The following FAM193A variants were observed in gnomAD, a reference collection of about 807,000 sequenced individuals.
FAM193A encodes the protein protein FAM193A.
Under a neutral mutation model 126.5 loss-of-function variants are expected in FAM193A, and 22 were observed. The observed-to-expected ratio is 0.17, with a 90% CI of 0.12 to 0.25. The LOEUF is 0.25. Ranked by LOEUF, FAM193A falls within the 10% of genes least tolerant of loss-of-function variation. The pLI, the probability that FAM193A is intolerant of heterozygous loss-of-function variation, is 1.00. For missense variants in FAM193A, 1,675 were observed against 1,672.8 expected (o/e 1.00, Z -0.02); for synonymous variants, 761 against 646.8 (o/e 1.18, Z -2.68).
At chr4:2,698,559 A>G (rs1717309284) in intron 18 of FAM193A, among the ~76,000 whole-genome samples, 1 of 152,254 alleles carries the variant, frequency 6.6e-6, no homozygotes, top group Non-Finnish European at 1.5e-5. Context: ...GTTTTTCAAA[A>G]GACAAGTCAA....
chr4:2,608,991 C>T (rs1209470032), intron 2 of FAM193A, among the ~76,000 whole-genome samples: 1 of 150,810 alleles, frequency 6.6e-6, no homozygotes, highest in Admixed American at 6.6e-5. Context: ...CCCGGGTTCA[C>T]GCCATTCTCC....
In FAM193A at chr4:2,562,781, C is replaced by A. The variant is rs145676725; in HGVS notation, c.255+25611C>A. Among the ~76,000 whole-genome samples the A allele has an allele frequency of 4.4e-3, 672 of 152,092 alleles. 3 individuals carry two copies. Among genetic ancestry groups the A allele is most frequent in the African/African-American group, 0.016 (647 of 41,480 alleles). On this transcript the variant is annotated intron_variant, in intron 1 of 20. Transcript: ENST00000637812. ...AGTAGCTGGGATTACAGGCGTCCAC[C>A]ACCATGCCCAGCTAATTTTTGTATT...
intron 13 of FAM193A, among the ~76,000 whole-genome samples, chr4:2,676,910 C>G (rs1352081229): frequency 1.3e-5 from 2 of 151,904 alleles, no homozygotes; most frequent in African/African-American, 4.8e-5. Context: ...CACTGCACTC[C>G]AGCTTGGGCG....
chr4:2,544,689 G>GC (rs1413437878), intron 1 of FAM193A, among the ~76,000 whole-genome samples: 1 of 151,902 alleles, frequency 6.6e-6, no homozygotes, highest in East Asian at 1.9e-4. Context: ...GGGTGACAGA[G>GC]CAAGACTCTG....
intron 1 of FAM193A, among the ~76,000 whole-genome samples, chr4:2,551,822 TTTTTTA>T (rs886677745): frequency 2.0e-5 from 3 of 151,848 alleles, no homozygotes; most frequent in Non-Finnish European, 2.9e-5. Context: ...TTTGGGTTTG[TTTTTTA>T]TTTTTATTTT....
At chr4:2,639,604 T>G (rs1415674936) in intron 5 of FAM193A, 131 bp from the exon 6 acceptor site, 3 of 592,662 alleles carry the variant, frequency 5.1e-6, no homozygotes, top group Non-Finnish European at 8.4e-6. Context: ...AGCTGAACAC[T>G]CTGGGCCTGT....
At chr4:2,548,404 T>A (rs9761379) in intron 1 of FAM193A, among the ~76,000 whole-genome samples, 4,322 of 152,132 alleles carry the variant, frequency 0.028, 222 homozygotes, top group African/African-American at 0.098. Flanking sequence ...TCTCCATGAT[T>A]CTGAATTCAA....
chr4:2,698,179 C>T (rs555194598), intron 18 of FAM193A, among the ~76,000 whole-genome samples: 23 of 152,342 alleles, frequency 1.5e-4, no homozygotes, highest in African/African-American at 5.5e-4. Flanking sequence ...GACTCTGTCC[C>T]GTAGCAGGTC....
chr4:2,606,442 G>A (rs1373789669), intron 2 of FAM193A, among the ~76,000 whole-genome samples: 1 of 152,172 alleles, frequency 6.6e-6, no homozygotes, highest in East Asian at 1.9e-4. Flanking sequence ...TGTTCTGATT[G>A]AAGTATTTGA....
chr4:2,721,101 C>T (rs1577273009), intron 20 of FAM193A, among the ~76,000 whole-genome samples: 2 of 152,024 alleles, frequency 1.3e-5, no homozygotes, highest in Admixed American at 6.6e-5. Flanking sequence ...ATCACGAGGC[C>T]AGGAGCTCGA....
In FAM193A at chr4:2,693,567, C is replaced by G. The variant is rs1318372893; in HGVS notation, c.2804-19C>G. On this transcript the variant is annotated intron_variant, in intron 15 of 20. Coordinates refer to ENST00000637812, the MANE Select transcript of FAM193A (RefSeq NM_001366318.2). Reference sequence around the variant, plus strand: ...TTTTGAAACAAACTTGGCAGTGACTCTCGCCTCTCTAAATGCAGGTGACGT... The same window carrying G: ...TTTTGAAACAAACTTGGCAGTGACTGTCGCCTCTCTAAATGCAGGTGACGT... 2 of 1,597,964 alleles carry G rather than the reference C, an allele frequency of 1.3e-6. No homozygotes were observed. The highest frequency in any genetic ancestry group is 1.7e-6 in the Non-Finnish European group (2 of 1,168,766).
intron 19 of FAM193A, among the ~76,000 whole-genome samples, chr4:2,710,255 GCCT>G (rs1718792637): frequency 7.4e-6 from 1 of 134,254 alleles, no homozygotes; most frequent in African/African-American, 2.7e-5. Flanking sequence ...GCTCACTGCA[GCCT>G]CCACCTCCCG....
intron 7 of FAM193A, among the ~76,000 whole-genome samples, chr4:2,656,605 C>T (rs1711715329): frequency 6.6e-6 from 1 of 152,108 alleles, no homozygotes; most frequent in South Asian, 2.1e-4. Context: ...GTAGCGAAGG[C>T]CACACCTGTG....
chr4:2,632,823 GTC>G (rs1256330674), intron 5 of FAM193A, among the ~76,000 whole-genome samples: 1 of 152,032 alleles, frequency 6.6e-6, no homozygotes, highest in East Asian at 1.9e-4. Flanking sequence ...CTACCTGAGA[GTC>G]TGCCTGCCCT....
At chr4:2,550,427 C>CGTTT (rs774195740) in intron 1 of FAM193A, among the ~76,000 whole-genome samples, 27 of 151,650 alleles carry the variant, frequency 1.8e-4, no homozygotes, top group East Asian at 9.8e-4. Context: ...CCCTCTTGGT[C>CGTTT]GTTTGTTTGT....
Position 2,639,645 on chromosome 4 carries a change from TG to T in FAM193A, c.1039-86del, listed in dbSNP as rs547577839. ...GGGATGTGTGCGTGGTGGGGGGAAATGGGGAGGGGGGAGGGAATCCCTCTGG... is the reference window on the plus strand; with the variant it reads ...GGGATGTGTGCGTGGTGGGGGGAAATGGGAGGGGGGAGGGAATCCCTCTGG... On this transcript the variant is annotated intron_variant, in intron 5 of 20. Coordinates refer to ENST00000637812, the MANE Select transcript of FAM193A (RefSeq NM_001366318.2). 3.7e-5 allele frequency: 31 copies of T among 841,348 alleles called. No individual in the cohort carries two copies. In the South Asian group the frequency reaches 4.6e-4, roughly 12 times the overall value. 52.1% of individuals were successfully genotyped at this position (841,348 alleles called of 1,614,324 possible).
chr4:2,711,098 C>T (rs1408262008), intron 19 of FAM193A, among the ~76,000 whole-genome samples: 3 of 151,916 alleles, frequency 2.0e-5, no homozygotes, highest in South Asian at 4.2e-4. Flanking sequence ...GTGATCCACC[C>T]ACCTTGGCCT....
chr4:2,673,980 A>C (rs745364369), intron 13 of FAM193A, among the ~76,000 whole-genome samples: 27 of 152,200 alleles, frequency 1.8e-4, no homozygotes, highest in Non-Finnish European at 3.5e-4. Flanking sequence ...ATACCTGTTA[A>C]ACTTTAATCA....
rs1161219900 is a variant in FAM193A at position 2,662,925 on chromosome 4, G to A, written c.1833G>A (p.Val611=). 2.5e-6 allele frequency: 4 copies of A among 1,613,812 alleles called. No homozygotes were observed. The East Asian group carries it at 8.9e-5, about 36-fold the overall frequency. ...GTAATTATGATGATACCGAGGTGGT[G>A]GCCAACATGAATGGAATCCACAGCG... ...PLSNYDDTEV[V]ANMNGIHSEL... is the part of the protein sequence containing the mutation. The change falls in exon 11 of 21, where the codon GTG becomes GTA. Residue 611 remains valine (V), a synonymous_variant. Coordinates refer to ENST00000637812, the MANE Select transcript of FAM193A (RefSeq NM_001366318.2).
Sources: gnomAD v4.1 joint callset for allele counts (sites outside exome capture counted in the v4.1 genomes callset) on GRCh38, gnomAD v4.1.1 for gene constraint, MANE v1.5 for transcripts, NCBI Gene and HGNC (gene_info 2026-07-23, HGNC 2026-07-21) for gene names.